The following RGS6 variants were observed in gnomAD, a reference collection of about 807,000 sequenced individuals.
RGS6 encodes the protein regulator of G protein signaling 6.
In RGS6, 30 loss-of-function variants were observed where a neutral mutation model predicts 78.5. The ratio of observed to expected loss-of-function variants is 0.38; its 90% CI spans 0.29 to 0.52. RGS6 has a LOEUF of 0.52. Ranked by LOEUF, RGS6 falls within the 20% of genes least tolerant of loss-of-function variation. The pLI is 0.85. For missense variants in RGS6, 495 were observed against 609.7 expected (o/e 0.81, Z 1.98); for synonymous variants, 206 against 206.0 (o/e 1.00, Z 0.00).
At chr14:72,017,995 G>C (rs1409921001) in intron 2 of RGS6, among the ~76,000 whole-genome samples, 5 of 152,024 alleles carry the variant, frequency 3.3e-5, no homozygotes, top group Non-Finnish European at 7.4e-5. Context: ...TCATTGTTCA[G>C]CTCCCACTTA....
At chr14:72,244,344 C>A (rs576248232) in intron 2 of RGS6, among the ~76,000 whole-genome samples, 1 of 150,914 alleles carries the variant, frequency 6.6e-6, no homozygotes, top group Non-Finnish European at 1.5e-5. Flanking sequence ...TCTCTCTGAA[C>A]GAACAGCCCA....
chr14:71,889,819 C>T, the RGS6 span, among the ~76,000 whole-genome samples: 13 of 152,228 alleles, frequency 8.5e-5, no homozygotes, highest in Non-Finnish European at 8.8e-5. Context: ...AATGGTTTAA[C>T]GCCATCCCCT....
At chr14:72,475,915 T>G (rs2096235122) in intron 10 of RGS6, among the ~76,000 whole-genome samples, 5 of 151,978 alleles carry the variant, frequency 3.3e-5, no homozygotes, top group Admixed American at 3.3e-4. Flanking sequence ...CGTCACTGAC[T>G]TAACAATATC....
the RGS6 span, among the ~76,000 whole-genome samples, chr14:72,616,171 A>G: frequency 2.6e-5 from 4 of 152,194 alleles, no homozygotes; most frequent in African/African-American, 7.2e-5. Flanking sequence ...CCTTACAGAC[A>G]TGTGAAATGA....
intron 2 of RGS6, among the ~76,000 whole-genome samples, chr14:72,326,695 G>C (rs2073850923): frequency 6.6e-6 from 1 of 152,064 alleles, no homozygotes; most frequent in African/African-American, 2.4e-5. Context: ...AAATCACCCA[G>C]TCTCAGGTAT....
At chr14:72,198,768 C>T (rs2040808293) in intron 2 of RGS6, among the ~76,000 whole-genome samples, 1 of 152,294 alleles carries the variant, frequency 6.6e-6, no homozygotes, top group South Asian at 2.1e-4. Context: ...GTCCACCTGC[C>T]TTGGTCTCTA....
chr14:72,616,639 C>T, the RGS6 span, among the ~76,000 whole-genome samples: 117 of 152,266 alleles, frequency 7.7e-4, 1 homozygote, highest in African/African-American at 2.6e-3. Flanking sequence ...TTACTATCTC[C>T]ACTTTCCAGG....
intron 2 of RGS6, among the ~76,000 whole-genome samples, chr14:72,320,846 G>A (rs1224301672): frequency 6.7e-6 from 1 of 150,142 alleles, no homozygotes; most frequent in Non-Finnish European, 1.5e-5. Context: ...GATAAATCAA[G>A]TATATTTAAA....
rs1014474372 is a variant in RGS6, at chr14:72,550,743, G to T, written c.1422+10649G>T. 13 of 989,530 alleles carry T rather than the reference G, an allele frequency of 1.3e-5. No individual in the cohort carries two copies. In the Admixed American group the frequency reaches 2.7e-4, roughly 20 times the overall value. The allele number at this position is 989,530 out of a possible 1,614,324, so 61.3% of individuals were successfully genotyped here. ...GATGGAGGTTTTACACCTGATGGAG[G>T]TTTCCTTGGTAGTGATTCAGCTTCA... is the stretch of plus-strand genomic sequence containing the variant. On this transcript the variant is annotated intron_variant, in intron 17 of 17. Transcript: ENST00000553525.
At chr14:72,085,439 C>T (rs2094988915) in intron 2 of RGS6, among the ~76,000 whole-genome samples, 1 of 152,104 alleles carries the variant, frequency 6.6e-6, no homozygotes, top group Admixed American at 6.6e-5. Context: ...GCACTGAGTA[C>T]CTGGGCCCAG....
downstream of RGS6, among the ~76,000 whole-genome samples, chr14:72,567,154 A>G (rs563328672): frequency 5.3e-5 from 8 of 152,316 alleles, no homozygotes; most frequent in East Asian, 1.5e-3. Flanking sequence ...AAAGGTAGAA[A>G]TGATTTCAGA....
intron 2 of RGS6, among the ~76,000 whole-genome samples, chr14:72,178,408 T>G (rs1373513315): frequency 1.3e-5 from 2 of 152,230 alleles, no homozygotes; most frequent in Non-Finnish European, 2.9e-5. Flanking sequence ...GGCCAGTCTT[T>G]CCTGATCTCC....
chr14:72,427,369 C>T (rs545429341), intron 3 of RGS6, among the ~76,000 whole-genome samples: 18 of 152,182 alleles, frequency 1.2e-4, no homozygotes, highest in East Asian at 5.8e-4. Flanking sequence ...CAGTACTATC[C>T]GCTGTTGTAG....
At chr14:72,197,175 C>T (rs938438553) in intron 2 of RGS6, among the ~76,000 whole-genome samples, 1 of 152,180 alleles carries the variant, frequency 6.6e-6, no homozygotes, top group Non-Finnish European at 1.5e-5. Flanking sequence ...AAGCCATTCT[C>T]CTGCCTCAGT....
chr14:72,462,813 G>T (rs1011808670), intron 6 of RGS6, among the ~76,000 whole-genome samples: 3 of 152,070 alleles, frequency 2.0e-5, no homozygotes, highest in African/African-American at 4.8e-5. Flanking sequence ...TGTAAATGAG[G>T]GGCCTGTACT....
chr14:72,199,642 T>C (rs2041021872), intron 2 of RGS6, among the ~76,000 whole-genome samples: 1 of 152,188 alleles, frequency 6.6e-6, no homozygotes, highest in Non-Finnish European at 1.5e-5. Context: ...TGTGATATGC[T>C]CTCCCCTCAG....
At chr14:72,555,605 G>A (rs888225217) in intron 17 of RGS6, among the ~76,000 whole-genome samples, 9 of 152,194 alleles carry the variant, frequency 5.9e-5, no homozygotes, top group African/African-American at 1.9e-4. Context: ...CTCCTTCCTT[G>A]AGAGTGACAG....
At chr14:72,232,557 T>C (rs1205950765) in intron 2 of RGS6, among the ~76,000 whole-genome samples, 1 of 152,198 alleles carries the variant, frequency 6.6e-6, no homozygotes, top group African/African-American at 2.4e-5. Flanking sequence ...CTCTCTTGCC[T>C]CCATCCTTAT....
intron 2 of RGS6, among the ~76,000 whole-genome samples, chr14:72,140,554 G>A (rs1404058311): frequency 1.3e-5 from 2 of 152,194 alleles, no homozygotes; most frequent in African/African-American, 2.4e-5. Context: ...AGGAGTTGAT[G>A]ACTGATTGTT....
Sources: gnomAD v4.1 joint callset for allele counts (sites outside exome capture counted in the v4.1 genomes callset) on GRCh38, gnomAD v4.1.1 for gene constraint, MANE v1.5 for transcripts, NCBI Gene and HGNC (gene_info 2026-07-23, HGNC 2026-07-21) for gene names.